MPRIP: variants seen among roughly 807,000 people sequenced by gnomAD.
The protein encoded by MPRIP is myosin phosphatase Rho-interacting protein.
In MPRIP, 59 loss-of-function variants were observed where a neutral mutation model predicts 234.9. The observed-to-expected ratio is 0.25, with a 90% CI of 0.20 to 0.31. The LOEUF (loss-of-function observed/expected upper bound fraction) is 0.31. Among genes scored for constraint, MPRIP ranks in the 10% least tolerant of loss-of-function variants. The pLI, the probability that MPRIP is intolerant of heterozygous loss-of-function variation, is 1.00. For missense variants in MPRIP, 2,436 were observed against 3,071.0 expected (o/e 0.79, Z 4.89); for synonymous variants, 1,144 against 1,263.9 (o/e 0.91, Z 2.01).
intron 3 of MPRIP, among the ~76,000 whole-genome samples, chr17:17,102,185 GCCTCCCTTC>G (rs1290142875): frequency 1.3e-5 from 2 of 152,092 alleles, no homozygotes; most frequent in Non-Finnish European, 2.9e-5. Flanking sequence ...ACCGCACCCA[GCCTCCCTTC>G]CTGTCTTTAT....
chr17:17,140,953 C>T (rs1455024425), intron 7 of MPRIP, among the ~76,000 whole-genome samples: 1 of 152,162 alleles, frequency 6.6e-6, no homozygotes, highest in Non-Finnish European at 1.5e-5. Context: ...CTGCAGCTTC[C>T]AGGGCACCAA....
chr17:17,097,875 C>T (rs529610123), intron 3 of MPRIP, among the ~76,000 whole-genome samples: 1 of 152,322 alleles, frequency 6.6e-6, no homozygotes, highest in African/African-American at 2.4e-5. Context: ...TTGAGTGAGG[C>T]ACCACACAGA....
At chr17:17,107,795 C>T (rs1441466560) in intron 3 of MPRIP, among the ~76,000 whole-genome samples, 2 of 152,198 alleles carry the variant, frequency 1.3e-5, no homozygotes, top group East Asian at 3.8e-4. Flanking sequence ...TAAGTTTCTC[C>T]CCAGCAGGTG....
intron 7 of MPRIP, among the ~76,000 whole-genome samples, chr17:17,140,917 G>A (rs1363949615): frequency 2.0e-5 from 3 of 152,152 alleles, no homozygotes; most frequent in African/African-American, 7.2e-5. Context: ...TTTCTGTGCT[G>A]ACCAGTAAGG....
intron 7 of MPRIP, among the ~76,000 whole-genome samples, chr17:17,140,337 T>C (rs1012527401): frequency 2.0e-5 from 3 of 152,232 alleles, no homozygotes; most frequent in African/African-American, 7.2e-5. Context: ...TGGGGCTTTG[T>C]ACTCTGCATG....
intron 3 of MPRIP, among the ~76,000 whole-genome samples, chr17:17,098,396 C>G (rs531288477): frequency 6.6e-6 from 1 of 152,294 alleles, no homozygotes; most frequent in African/African-American, 2.4e-5. Context: ...CTCTTCCCAC[C>G]CAGGCCTGTC....
At position 17,078,101 on chromosome 17, in the gene MPRIP, C is replaced by G; in HGVS notation, c.267+25C>G. ...GGTAAGTGTTATCCTTGCCCACTCC[C>G]TGTCCCCAGCCTTCACCAAGTCCCT... On this transcript the variant is annotated intron_variant, in intron 3 of 23. Coordinates refer to ENST00000651222, the MANE Select transcript of MPRIP (RefSeq NM_001364716.4). The surrounding 1 kb of genome is among the most constrained non-coding windows in gnomAD (Gnocchi z 4.3). 6.2e-7 allele frequency: 1 copy of G among 1,612,842 alleles called. No homozygotes were observed. The highest frequency in any genetic ancestry group is 8.5e-7 in the Non-Finnish European group (1 of 1,178,966).
intron 1 of MPRIP, among the ~76,000 whole-genome samples, chr17:17,065,896 C>CT (rs549099957): frequency 5.3e-5 from 8 of 152,018 alleles, no homozygotes; most frequent in African/African-American, 1.2e-4. Flanking sequence ...CTAAGTATTT[C>CT]TTTTTTTTGA....
intron 23 of MPRIP, chr17:17,182,806 T>C (rs1025301834): frequency 1.3e-5 from 2 of 152,252 alleles, no homozygotes; most frequent in African/African-American, 2.4e-5. Context: ...ACCCAGGCCT[T>C]AGGAGTGATC....
chr17:17,112,166 C>G (rs924784466), intron 3 of MPRIP, among the ~76,000 whole-genome samples: 1 of 152,164 alleles, frequency 6.6e-6, no homozygotes, highest in African/African-American at 2.4e-5. Context: ...ACAGAACATG[C>G]CTGTGTGAAA....
intron 1 of MPRIP, among the ~76,000 whole-genome samples, chr17:17,046,174 T>C (rs1295471719): frequency 6.6e-6 from 1 of 152,268 alleles, no homozygotes; most frequent in Non-Finnish European, 1.5e-5. Flanking sequence ...ATTTTTTGTT[T>C]TCTGCTTATC....
chr17:17,080,078 T>A (rs1351050441), intron 3 of MPRIP, among the ~76,000 whole-genome samples: 1 of 152,200 alleles, frequency 6.6e-6, no homozygotes, highest in African/African-American at 2.4e-5. Context: ...GCTGGGAGTT[T>A]TGGGCCACGG....
intron 3 of MPRIP, among the ~76,000 whole-genome samples, chr17:17,092,870 A>G (rs913647854): frequency 6.6e-6 from 1 of 152,106 alleles, no homozygotes; most frequent in African/African-American, 2.4e-5. Flanking sequence ...GGGTGAGGAG[A>G]GCGCCCCGGC....
intron 16 of MPRIP, chr17:17,168,560 C>G: frequency 3.0e-6 from 1 of 338,498 alleles, no homozygotes; most frequent in Non-Finnish European, 5.8e-6. Context: ...ATCCCCGCCC[C>G]TGAGGTCCTG....
intron 4 of MPRIP, among the ~76,000 whole-genome samples, chr17:17,131,269 G>T (rs1383148277): frequency 6.6e-6 from 1 of 152,188 alleles, no homozygotes; most frequent in African/African-American, 2.4e-5. Context: ...CCCTAAATGG[G>T]CACAGCTCGT....
At chr17:17,132,696 G>A (rs1241958401) in intron 5 of MPRIP, among the ~76,000 whole-genome samples, 1 of 152,252 alleles carries the variant, frequency 6.6e-6, no homozygotes, top group Non-Finnish European at 1.5e-5. Context: ...TGCTGATGGA[G>A]TCAGCCTGGG....
intron 19 of MPRIP, among the ~76,000 whole-genome samples, chr17:17,175,058 C>T (rs7209447): frequency 0.023 from 3,449 of 152,310 alleles, 102 homozygotes; most frequent in Middle Eastern, 0.085. Context: ...GGACTGGGTC[C>T]ACTCACTGCT....
chr17:17,075,404 A>AT (rs144804634), intron 1 of MPRIP, among the ~76,000 whole-genome samples: 5,840 of 151,166 alleles, frequency 0.039, 330 homozygotes, highest in African/African-American at 0.12. Context: ...ATAACATGTC[A>AT]TTTTTTCCTG....
chr17:17,151,041 T>TATC (rs1555584607), intron 12 of MPRIP, among the ~76,000 whole-genome samples: 1 of 149,958 alleles, frequency 6.7e-6, no homozygotes, highest in Non-Finnish European at 1.5e-5. Flanking sequence ...TTATTATTAT[T>TATC]ATCATTATTT....
Sources: allele counts gnomAD v4.1 joint callset (sites outside exome capture counted in the v4.1 genomes callset), GRCh38; gene constraint gnomAD v4.1.1; non-coding constraint Gnocchi (gnomAD v3.1); transcripts MANE v1.5; gene names NCBI Gene and HGNC (gene_info 2026-07-23, HGNC 2026-07-21).